GSN: variants seen among roughly 807,000 people sequenced by gnomAD.
GSN encodes actin-depolymerizing factor.
Under a neutral mutation model 85.7 loss-of-function variants are expected in GSN, and 56 were observed. The observed-to-expected ratio is 0.65, with a 90% CI of 0.53 to 0.82. GSN has a LOEUF of 0.82. Among genes scored for constraint, GSN ranks in the 40% least tolerant of loss-of-function variants. The pLI is 0.00. For missense variants in GSN, 857 were observed against 979.8 expected (o/e 0.87, Z 1.67); for synonymous variants, 373 against 399.1 (o/e 0.93, Z 0.78).
chr9:121,278,604 A>G (rs530557376), intron 1 of GSN, among the ~76,000 whole-genome samples: 9 of 152,228 alleles, frequency 5.9e-5, no homozygotes, highest in East Asian at 3.9e-4. Context: ...TTCTGTTCCT[A>G]TGTCCTAGGA....
chr9:121,319,855 G>A (rs745837208), intron 10 of GSN, among the ~76,000 whole-genome samples: 18 of 152,118 alleles, frequency 1.2e-4, no homozygotes. Flanking sequence ...GGGAAGAGGG[G>A]TGTGGGGTTC....
chr9:121,330,077 C>T (rs306772), intron 16 of GSN, among the ~76,000 whole-genome samples: 36,319 of 152,036 alleles, frequency 0.24, 5,114 homozygotes, highest in African/African-American at 0.39. Context: ...ATGATTGCAG[C>T]TTGAGCCATT....
At chr9:121,227,872 C>T (rs2054300488) in intron 4 of GSN, among the ~76,000 whole-genome samples, 1 of 152,136 alleles carries the variant, frequency 6.6e-6, no homozygotes, top group Non-Finnish European at 1.5e-5. Context: ...GCACTCCCAG[C>T]TTAGGAATTC....
intron 5 of GSN, among the ~76,000 whole-genome samples, chr9:121,236,110 C>T (rs1054170878): frequency 2.0e-5 from 3 of 152,224 alleles, no homozygotes; most frequent in African/African-American, 7.2e-5. Flanking sequence ...CCAGACCGCA[C>T]TCCTAGCACC....
At chr9:121,327,619 A>G in intron 14 of GSN, 137 bp downstream of exon 14, 1 of 720,704 alleles carries the variant, frequency 1.4e-6, no homozygotes, top group East Asian at 2.7e-5. Flanking sequence ...TGTTAAATAA[A>G]AGCAGTTGCA....
intron 2 of GSN, among the ~76,000 whole-genome samples, chr9:121,300,385 T>C (rs1478921329): frequency 6.6e-6 from 1 of 152,092 alleles, no homozygotes; most frequent in African/African-American, 2.4e-5. Context: ...TTGATCTCTC[T>C]CCTTCTCCAA....
At chr9:121,303,163 G>T in intron 4 of GSN, 98 bp downstream of exon 4, 1 of 1,175,978 alleles carries the variant, frequency 8.5e-7, no homozygotes, top group Non-Finnish European at 1.3e-6. Context: ...GATGCAGTGG[G>T]CAGACCGATC....
chr9:121,253,452 T>C (rs968209663), intron 6 of GSN, among the ~76,000 whole-genome samples: 10 of 152,178 alleles, frequency 6.6e-5, no homozygotes, highest in African/African-American at 2.4e-4. Context: ...AGAGCTTTCT[T>C]GTCACCACTG....
At chr9:121,211,518 G>T (rs1459579430) in intron 4 of GSN, among the ~76,000 whole-genome samples, 1 of 152,170 alleles carries the variant, frequency 6.6e-6, no homozygotes, top group Admixed American at 6.5e-5. Context: ...ACTTCCAGGT[G>T]TAAAAGTTGC....
chr9:121,270,902 GTGTGTATATT>G (rs1301063771), intron 1 of GSN, among the ~76,000 whole-genome samples: 3 of 152,246 alleles, frequency 2.0e-5, no homozygotes, highest in Non-Finnish European at 2.9e-5. Context: ...CGGCCTCTGG[GTGTGTATATT>G]TGCTTATCAG....
intron 5 of GSN, among the ~76,000 whole-genome samples, chr9:121,234,845 T>A (rs905432732): frequency 6.6e-6 from 1 of 152,136 alleles, no homozygotes; most frequent in Non-Finnish European, 1.5e-5. Context: ...TGAGACCCCG[T>A]CTCTAAACAA....
chr9:121,316,785 T>G (rs1489866968), intron 7 of GSN, among the ~76,000 whole-genome samples: 1 of 152,248 alleles, frequency 6.6e-6, no homozygotes, highest in Non-Finnish European at 1.5e-5. Flanking sequence ...CTCTTTTTTT[T>G]GAATAGTAAA....
At chr9:121,324,771 AT>A (rs2062951146) in intron 12 of GSN, 127 bp downstream of exon 12, 5 of 673,904 alleles carry the variant, frequency 7.4e-6, no homozygotes, top group East Asian at 5.5e-5. Flanking sequence ...CCATCCATCC[AT>A]CCATCCATCC....
At chr9:121,289,787 T>A (rs933643771) in intron 2 of GSN, among the ~76,000 whole-genome samples, 1 of 151,758 alleles carries the variant, frequency 6.6e-6, no homozygotes, top group Non-Finnish European at 1.5e-5. Flanking sequence ...GCACAGGGGA[T>A]GTTGTTGGGG....
chr9:121,309,967 GAA>G (rs1491568742), intron 4 of GSN: 5 of 152,624 alleles, frequency 3.3e-5, no homozygotes, highest in African/African-American at 9.8e-5. Context: ...TGAAAGGAAG[GAA>G]GAGAGAGAGA....
intron 5 of GSN, among the ~76,000 whole-genome samples, chr9:121,244,336 C>T (rs2054659046): frequency 6.6e-6 from 1 of 152,134 alleles, no homozygotes; most frequent in South Asian, 2.1e-4. Context: ...GTTTTCATGT[C>T]TCTTGAGTAA....
At chr9:121,307,920 C>T (rs2060596432) in intron 4 of GSN, among the ~76,000 whole-genome samples, 1 of 152,258 alleles carries the variant, frequency 6.6e-6, no homozygotes, top group African/African-American at 2.4e-5. Context: ...CTGCCTGGCT[C>T]TCCAATCCCA....
intron 16 of GSN, among the ~76,000 whole-genome samples, chr9:121,330,779 C>T (rs2133964196): frequency 6.6e-6 from 1 of 151,846 alleles, no homozygotes; most frequent in South Asian, 2.1e-4. Flanking sequence ...AGCCTTAGGC[C>T]CATTTTGACA....
At chr9:121,315,924 G>T (rs895230961) in intron 7 of GSN, among the ~76,000 whole-genome samples, 1 of 152,172 alleles carries the variant, frequency 6.6e-6, no homozygotes, top group Non-Finnish European at 1.5e-5. Context: ...GATAGTAACA[G>T]AACTATCATA....
Sources: allele counts gnomAD v4.1 joint callset (sites outside exome capture counted in the v4.1 genomes callset), GRCh38; gene constraint gnomAD v4.1.1; transcripts MANE v1.5; gene names NCBI Gene and HGNC (gene_info 2026-07-23, HGNC 2026-07-21).